Variants in RAB5C observed in about 807,000 individuals in gnomAD.
RAB5C encodes the protein RAB5C, member RAS oncogene family.
RAB5C carries 4 observed loss-of-function variants against 25.2 expected under a neutral mutation model. That is an observed-to-expected ratio of 0.16 (90% CI 0.08 to 0.36). The LOEUF is 0.36. Among genes scored for constraint, RAB5C ranks in the 10% least tolerant of loss-of-function variants. The pLI is 1.00. For synonymous variants in RAB5C, 100 were observed against 106.4 expected, an observed-to-expected ratio of 0.94 and a Z score of 0.37; for missense variants, 199 against 283.8, an observed-to-expected ratio of 0.70 and a Z score of 2.15.
intron 1 of RAB5C, among the ~76,000 whole-genome samples, chr17:42,142,055 T>C (rs773752328): frequency 2.6e-5 from 4 of 151,864 alleles, no homozygotes; most frequent in Non-Finnish European, 5.9e-5. Flanking sequence ...CCCAATCTTG[T>C]ATCCTCCAGA....
At chr17:42,128,613 T>C in intron 3 of RAB5C, 36 bp downstream of exon 3, 1 of 1,428,352 alleles carries the variant, frequency 7.0e-7, no homozygotes, top group Non-Finnish European at 9.2e-7. Context: ...TTTGAGAAGA[T>C]GAAGGGCAAA....
At chr17:42,144,700 G>C (rs1473216723) in intron 1 of RAB5C, among the ~76,000 whole-genome samples, 1 of 151,590 alleles carries the variant, frequency 6.6e-6, no homozygotes, top group Non-Finnish European at 1.5e-5. Flanking sequence ...AGGCTGAGGC[G>C]GGCGGATCAC....
intron 1 of RAB5C, chr17:42,131,734 T>C: frequency 1.0e-6 from 1 of 956,664 alleles, no homozygotes; most frequent in Non-Finnish European, 1.6e-6. Flanking sequence ...TCTGAATCAC[T>C]TGGTTAGTGA....
chr17:42,149,779 G>A (rs1156977813), intron 1 of RAB5C, among the ~76,000 whole-genome samples: 7 of 151,644 alleles, frequency 4.6e-5, no homozygotes, highest in Admixed American at 4.6e-4. Context: ...TCTACAAAAT[G>A]AGACAATTTG....
chr17:42,138,055 G>A (rs549667453), intron 1 of RAB5C, among the ~76,000 whole-genome samples: 14 of 152,308 alleles, frequency 9.2e-5, no homozygotes, highest in African/African-American at 3.1e-4. Flanking sequence ...GGGCTTAACT[G>A]TGGGCTAAAG....
chr17:42,139,860 A>T (rs1234964520), intron 1 of RAB5C, among the ~76,000 whole-genome samples: 2 of 152,196 alleles, frequency 1.3e-5, no homozygotes, highest in Admixed American at 1.3e-4. Context: ...CTCACACGCC[A>T]CCAGTCAGTT....
intron 1 of RAB5C, among the ~76,000 whole-genome samples, chr17:42,133,491 T>C (rs2054506498): frequency 6.6e-6 from 1 of 152,180 alleles, no homozygotes. Context: ...TCTCCTGCAG[T>C]GGTTCTCAAC....
intron 1 of RAB5C, among the ~76,000 whole-genome samples, chr17:42,138,034 A>G (rs2054555854): frequency 6.6e-6 from 1 of 152,220 alleles, no homozygotes; most frequent in Non-Finnish European, 1.5e-5. Flanking sequence ...TTAAGGATAT[A>G]TTTACTGTTT....
At position 42,126,835 on chromosome 17, in the gene RAB5C, TA is replaced by T; in HGVS notation, c.454del (p.Tyr152MetfsTer18). Reference protein sequence around the residue: ...RAVEFQEAQAYADDNSLLFME... With the variant: ...RAVEFQEAQAXADDNSLLFME... ...GAACAGCAAACTGTTGTCGTCTGCA[TA>T]GGCTTGTGCTTCCTGGTTTGGATGG... On this transcript the variant is annotated frameshift_variant, in exon 5 of 6. Transcript: ENST00000346213. LOFTEE classifies it high-confidence loss of function. 6.2e-7 allele frequency: 1 copy of T among 1,611,880 alleles called. No homozygotes were observed. The highest frequency in any genetic ancestry group is 8.5e-7 in the Non-Finnish European group (1 of 1,178,260).
At chr17:42,132,294 A>G (rs1315686665) in intron 1 of RAB5C, among the ~76,000 whole-genome samples, 2 of 152,236 alleles carry the variant, frequency 1.3e-5, no homozygotes, top group Non-Finnish European at 2.9e-5. Flanking sequence ...GAGGTTTGAA[A>G]TGGGGCCCAC....
chr17:42,136,520 G>A (rs1243187874), intron 1 of RAB5C: 1 of 152,334 alleles, frequency 6.6e-6, no homozygotes, highest in East Asian at 1.9e-4. Flanking sequence ...TTAGCCGTGT[G>A]ACCTTGGCCA....
At chr17:42,147,168 G>GAGAA (rs1013511179) in intron 1 of RAB5C, among the ~76,000 whole-genome samples, 1 of 145,696 alleles carries the variant, frequency 6.9e-6, no homozygotes, top group Admixed American at 6.8e-5. Context: ...GAGAGAGAGA[G>GAGAA]AGAAAGAAAG....
chr17:42,136,353 C>T (rs1022751973), intron 1 of RAB5C: 1 of 152,228 alleles, frequency 6.6e-6, no homozygotes, highest in African/African-American at 2.4e-5. Context: ...CAGGACTATC[C>T]AGGCTTCTAG....
At chr17:42,125,928 T>C in intron 5 of RAB5C, 30 bp from the exon 6 acceptor site, 1 of 1,524,992 alleles carries the variant, frequency 6.6e-7, no homozygotes, top group East Asian at 2.3e-5. Context: ...GTGCATTTGT[T>C]GGGGGTACCC....
chr17:42,147,124 CAG>C (rs1372335742), intron 1 of RAB5C, among the ~76,000 whole-genome samples: 4 of 145,732 alleles, frequency 2.7e-5, no homozygotes, highest in African/African-American at 5.1e-5. Context: ...AAGAAAGAAA[CAG>C]AAAGAAAGAA....
Position 42,126,826 on chromosome 17 carries a change from T to C in RAB5C, c.464A>G (p.Asp155Gly). ...TGTCTCCATGAACAGCAAACTGTTG[T>C]CGTCTGCATAGGCTTGTGCTTCCTG... Reference protein sequence around the residue: ...EFQEAQAYADDNSLLFMETSA... With the variant: ...EFQEAQAYADGNSLLFMETSA... The change falls in exon 5 of 6, where the codon GAC becomes GGC. Residue 155 changes from aspartate to glycine, a missense_variant. Physicochemically the swap from Asp to Gly is moderately conservative, Grantham distance 94 (BLOSUM62 -1). Around this residue, in one of 3 missense-constraint regions of RAB5C, gnomAD observed 154 missense variants for 199.6 expected, o/e 0.77. Transcript: ENST00000346213. 6 of 1,613,046 alleles carry C rather than the reference T, an allele frequency of 3.7e-6. No individual in the cohort carries two copies. The highest frequency in any genetic ancestry group is 5.1e-6 in the Non-Finnish European group (6 of 1,179,142).
intron 1 of RAB5C, among the ~76,000 whole-genome samples, chr17:42,138,212 G>A (rs780881737): frequency 6.6e-6 from 1 of 152,136 alleles, no homozygotes; most frequent in Non-Finnish European, 1.5e-5. Context: ...GGGGGTTTAG[G>A]GGTTGGGGGA....
chr17:42,150,623 C>T (rs563929712), intron 1 of RAB5C, among the ~76,000 whole-genome samples: 14 of 149,616 alleles, frequency 9.4e-5, no homozygotes, highest in Admixed American at 3.3e-4. Flanking sequence ...TCTGGGAGGC[C>T]GATGAGGCGG....
intron 1 of RAB5C, among the ~76,000 whole-genome samples, chr17:42,146,647 G>A (rs2079636749): frequency 6.6e-6 from 1 of 152,138 alleles, no homozygotes; most frequent in Non-Finnish European, 1.5e-5. Flanking sequence ...TACTCGGGAG[G>A]CTGAGGCAGG....
Sources: gnomAD v4.1 joint callset for allele counts (sites outside exome capture counted in the v4.1 genomes callset) on GRCh38, gnomAD v4.1.1 for gene constraint, gnomAD v4.1.1 regional missense constraint, MANE v1.5 for transcripts, NCBI Gene and HGNC (gene_info 2026-07-23, HGNC 2026-07-21) for gene names.